Variants in ANK3 observed in about 807,000 individuals in gnomAD.
ANK3 encodes ankyrin 3, also known as ankyrin-3.
A neutral mutation model predicts 370.9 loss-of-function variants in ANK3; 57 were observed. That is an observed-to-expected ratio of 0.15 (90% CI 0.12 to 0.19). The LOEUF is 0.19. Among genes scored for constraint, ANK3 ranks in the 10% least tolerant of loss-of-function variants. The pLI, the probability that ANK3 is intolerant of heterozygous loss-of-function variation, is 1.00. For synonymous variants in ANK3, 1,929 were observed against 1,946.3 expected (o/e 0.99, Z 0.23); for missense variants, 4,439 against 5,302.1 (o/e 0.84, Z 5.06).
At chr10:60,317,702 A>G (rs748897618) in intron 1 of ANK3, among the ~76,000 whole-genome samples, 25 of 146,964 alleles carry the variant, frequency 1.7e-4, no homozygotes, top group Non-Finnish European at 3.6e-4. Flanking sequence ...ACATCAACTC[A>G]TGAGATAATT....
At chr10:60,393,872 A>C (rs1485444095), upstream of ANK3, among the ~76,000 whole-genome samples, 1 of 152,048 alleles carries the variant, frequency 6.6e-6, no homozygotes, top group Non-Finnish European at 1.5e-5. Flanking sequence ...ATTACACTGT[A>C]CTATAAAGAA....
In ANK3 at chr10:60,366,891, TC is replaced by T. The variant is rs2059456869; in HGVS notation, c.114+22533del. Among the ~76,000 whole-genome samples, 7 of 152,320 alleles carry T rather than the reference TC, an allele frequency of 4.6e-5. No homozygotes were observed. The South Asian group carries it at 1.5e-3, about 32-fold the overall frequency. ...CCTTCAGTGTCCTTGGAGGTCCTTC[TC>T]AAAGCACTGTATCCCATCCCTTTAT... On this transcript the variant is annotated intron_variant, in intron 1 of 43. Transcript: ENST00000280772.
At chr10:60,360,211 CT>C (rs1348980785) in intron 1 of ANK3, among the ~76,000 whole-genome samples, 3 of 152,168 alleles carry the variant, frequency 2.0e-5, no homozygotes, top group African/African-American at 7.2e-5. Context: ...TTTAGGCTTA[CT>C]TTATTTGCCT....
intron 2 of ANK3, among the ~76,000 whole-genome samples, chr10:60,557,723 C>A (rs1401850600): frequency 6.6e-6 from 1 of 151,970 alleles, no homozygotes; most frequent in Non-Finnish European, 1.5e-5. Flanking sequence ...TTGCCCATGA[C>A]CTACGTGTAA....
At chr10:60,591,301 TA>T (rs2077907986) in intron 2 of ANK3, among the ~76,000 whole-genome samples, 1 of 123,004 alleles carries the variant, frequency 8.1e-6, no homozygotes, top group Admixed American at 9.3e-5. Flanking sequence ...TTTTTATTTT[TA>T]TTTTATTTAT....
chr10:60,362,739 A>T (rs1241447995), intron 1 of ANK3, among the ~76,000 whole-genome samples: 1 of 152,110 alleles, frequency 6.6e-6, no homozygotes, highest in South Asian at 2.1e-4. Context: ...CCACACATTG[A>T]TTCATTTCTT....
intron 2 of ANK3, among the ~76,000 whole-genome samples, chr10:60,575,266 A>G (rs1175306122): frequency 2.0e-5 from 3 of 152,138 alleles, no homozygotes; most frequent in East Asian, 1.9e-4. Flanking sequence ...TTGATAAAGC[A>G]TGATCTTGGC....
At position 60,688,449 on chromosome 10, in the gene ANK3, T is replaced by C. The variant is rs148489181; in HGVS notation, c.57+44814A>G. On this transcript the variant is annotated intron_variant, in intron 1 of 43. Transcript: ENST00000373827. ...TGCCATACATTGTACTTATAATCAA[T>C]ACTCTATTGTACACTTAAAAATTGT... is the stretch of plus-strand genomic sequence containing the variant. 1.8e-4 allele frequency among the ~76,000 whole-genome samples: 28 copies of C among 152,348 alleles called. No homozygotes were observed. The East Asian group carries it at 5.4e-3, about 29-fold the overall frequency.
At chr10:60,614,097 C>T (rs2078237000) in intron 2 of ANK3, among the ~76,000 whole-genome samples, 1 of 151,840 alleles carries the variant, frequency 6.6e-6, no homozygotes, top group African/African-American at 2.4e-5. Context: ...TCAAGTGTAC[C>T]ACAGAATTGT....
At chr10:60,510,042 G>T in intron 2 of ANK3, among the ~76,000 whole-genome samples, 1 of 151,704 alleles carries the variant, frequency 6.6e-6, no homozygotes, top group Admixed American at 6.6e-5. Context: ...CAAGGCCATG[G>T]TCTCTTTATA....
intron 2 of ANK3, among the ~76,000 whole-genome samples, chr10:60,439,678 G>T (rs999811089): frequency 1.3e-5 from 2 of 152,168 alleles, no homozygotes; most frequent in African/African-American, 2.4e-5. Context: ...GATGGAGGTG[G>T]TTCTCCAGGA....
chr10:60,035,942 G>A (rs150279257), intron 43 of ANK3, among the ~76,000 whole-genome samples: 199 of 151,910 alleles, frequency 1.3e-3, no homozygotes, highest in East Asian at 3.9e-3. Flanking sequence ...TATGAATTCC[G>A]GTAAAATATT....
chr10:60,231,440 T>C (rs2097243581), intron 8 of ANK3, among the ~76,000 whole-genome samples: 1 of 152,186 alleles, frequency 6.6e-6, no homozygotes, highest in South Asian at 2.1e-4. Context: ...CCAGATCAGA[T>C]TTATTGAATG....
chr10:60,188,902 T>C (rs1485481985), intron 16 of ANK3, among the ~76,000 whole-genome samples: 2 of 152,118 alleles, frequency 1.3e-5, no homozygotes, highest in African/African-American at 2.4e-5. Flanking sequence ...CTGAGCCCAA[T>C]GCTACAATAA....
intron 8 of ANK3, among the ~76,000 whole-genome samples, chr10:60,226,617 A>T (rs2097167492): frequency 8.8e-6 from 1 of 114,210 alleles, no homozygotes; most frequent in African/African-American, 3.1e-5. Context: ...CAAAAGCAAA[A>T]GTCACTATAT....
At position 60,027,257 on chromosome 10, in the gene ANK3, C is replaced by G. The variant is rs1290124423; in HGVS notation, c.*2589G>C. ...AAGTTAGGACACCTATATTCTGATC[C>G]TGGCTTTACAGAGAGGCATTTTGGG... On this transcript the variant is annotated 3_prime_UTR_variant, in exon 44 of 44. Transcript: ENST00000280772. 6.7e-6 allele frequency: 1 copy of G among 148,474 alleles called. No individual in the cohort carries two copies. Among genetic ancestry groups the G allele is most frequent in the Non-Finnish European group, 1.5e-5 (1 of 67,504 alleles). The allele number at this position is 148,474 out of a possible 1,614,324, so 9.2% of individuals were successfully genotyped here.
chr10:60,526,991 G>A (rs549224432), intron 2 of ANK3, among the ~76,000 whole-genome samples: 4 of 152,010 alleles, frequency 2.6e-5, no homozygotes, highest in South Asian at 4.2e-4. Flanking sequence ...ATACATACAC[G>A]TATATATACA....
At chr10:60,368,443 G>A (rs2059686495) in intron 1 of ANK3, among the ~76,000 whole-genome samples, 2 of 152,062 alleles carry the variant, frequency 1.3e-5, no homozygotes, top group South Asian at 4.2e-4. Flanking sequence ...TCAGTGCGGG[G>A]GGTGTACTGA....
intron 2 of ANK3, among the ~76,000 whole-genome samples, chr10:60,462,771 G>GTGAT (rs1206999776): frequency 3.3e-5 from 5 of 151,950 alleles, no homozygotes; most frequent in African/African-American, 1.2e-4. Flanking sequence ...ATTGGCTGGA[G>GTGAT]TGATGCCCAG....
Sources: allele counts gnomAD v4.1 joint callset (sites outside exome capture counted in the v4.1 genomes callset), GRCh38; gene constraint gnomAD v4.1.1; transcripts MANE v1.5; gene names NCBI Gene and HGNC (gene_info 2026-07-23, HGNC 2026-07-21).